The following CALN1 variants were observed in gnomAD, a reference collection of about 807,000 sequenced individuals.
CALN1 encodes the protein calneuron 1.
In CALN1, 17 loss-of-function variants were observed where a neutral mutation model predicts 30.6. That is an observed-to-expected ratio of 0.56 (90% CI 0.38 to 0.83). CALN1 has a LOEUF of 0.83. Among genes scored for constraint, CALN1 ranks in the 40% least tolerant of loss-of-function variants. The probability of loss-of-function intolerance (pLI) is 0.00; values close to 1 mark genes in which losing one functional copy is unlikely to be tolerated. For synonymous variants in CALN1, 156 were observed against 131.4 expected, an observed-to-expected ratio of 1.19 and a Z score of -1.28; for missense variants, 291 against 354.9, an observed-to-expected ratio of 0.82 and a Z score of 1.45.
intron 3 of CALN1, among the ~76,000 whole-genome samples, chr7:72,211,560 G>A (rs753410427): frequency 6.6e-6 from 1 of 152,264 alleles, no homozygotes; most frequent in Non-Finnish European, 1.5e-5. Flanking sequence ...TCCAAGAAAC[G>A]ACTCGATAGG....
intron 3 of CALN1, among the ~76,000 whole-genome samples, chr7:72,171,626 G>C (rs966056953): frequency 2.0e-5 from 3 of 151,972 alleles, no homozygotes; most frequent in African/African-American, 4.8e-5. Context: ...GCAAAAAAGA[G>C]GCCCACATCC....
At chr7:72,210,030 G>A (rs896565955) in intron 3 of CALN1, among the ~76,000 whole-genome samples, 5 of 152,102 alleles carry the variant, frequency 3.3e-5, no homozygotes, top group South Asian at 2.1e-4. Flanking sequence ...CGTTTCTGAC[G>A]GTGGTCTCCC....
chr7:72,108,160 T>A (rs1483945813), intron 3 of CALN1, among the ~76,000 whole-genome samples: 1 of 152,232 alleles, frequency 6.6e-6, no homozygotes, highest in Non-Finnish European at 1.5e-5. Flanking sequence ...GCTGCCAGCA[T>A]TCCTTGGCTT....
intron 2 of CALN1, among the ~76,000 whole-genome samples, chr7:72,343,173 A>C (rs112053609): frequency 6.6e-6 from 1 of 152,214 alleles, no homozygotes; most frequent in African/African-American, 2.4e-5. Flanking sequence ...CTCTTGGAGG[A>C]AACATGAAGG....
intron 6 of CALN1, among the ~76,000 whole-genome samples, chr7:71,796,488 T>C (rs1057178195): frequency 6.6e-6 from 1 of 151,138 alleles, no homozygotes; most frequent in African/African-American, 2.4e-5. Flanking sequence ...GCCTCCCGAG[T>C]AGCTAAGATT....
At chr7:72,099,295 G>A (rs62462784) in intron 4 of CALN1, among the ~76,000 whole-genome samples, 1 of 95,356 alleles carries the variant, frequency 1.0e-5, no homozygotes, top group Non-Finnish European at 2.0e-5. Context: ...TTTTTTTTTG[G>A]CATCATCCAC....
At chr7:72,078,343 C>A (rs1316872136) in intron 4 of CALN1, among the ~76,000 whole-genome samples, 1 of 151,950 alleles carries the variant, frequency 6.6e-6, no homozygotes, top group Non-Finnish European at 1.5e-5. Flanking sequence ...GGGAAAACTG[C>A]AGCCATCACT....
chr7:71,915,165 T>C lies in CALN1; in HGVS notation c.502-104673A>G, dbSNP rs539211614. On this transcript the variant is annotated intron_variant, in intron 5 of 6. Coordinates refer to ENST00000395275, the MANE Select transcript of CALN1 (RefSeq NM_031468.4). ...CTCCTTTTGCAACCTGAATTCTCTA[T>C]TATAGGCCTAATCTCACCCCCTTAG... Among the ~76,000 whole-genome samples, 31 of 152,242 alleles carry C rather than the reference T, an allele frequency of 2.0e-4. No individual in the cohort carries two copies. The South Asian group carries it at 4.4e-3, about 21-fold the overall frequency.
At position 72,012,971 on chromosome 7, in the gene CALN1, T is replaced by C. The variant is rs552250399; in HGVS notation, c.501+10686A>G. On this transcript the variant is annotated intron_variant, in intron 5 of 6. Transcript: ENST00000395275. ...CCACCACGCTTGGCTGATTTTTTTGTATTTTTAGTAGAGACAGGGTTTTAC... is the reference window on the plus strand; with the variant it reads ...CCACCACGCTTGGCTGATTTTTTTGCATTTTTAGTAGAGACAGGGTTTTAC... Among the ~76,000 whole-genome samples the C allele has an allele frequency of 4.5e-4, 69 of 152,142 alleles. 1 individual carries two copies. The highest frequency in any genetic ancestry group is 2.1e-4 in the Non-Finnish European group (14 of 68,034).
chr7:72,053,227 C>T (rs1458287148), intron 4 of CALN1, among the ~76,000 whole-genome samples: 1 of 152,134 alleles, frequency 6.6e-6, no homozygotes, highest in East Asian at 1.9e-4. Context: ...GAGACTCTGT[C>T]TCAAAAAACA....
intron 3 of CALN1, among the ~76,000 whole-genome samples, chr7:72,277,401 G>A (rs1797405600): frequency 6.6e-6 from 1 of 152,102 alleles, no homozygotes; most frequent in Admixed American, 6.5e-5. Flanking sequence ...CTCAACTGAA[G>A]ACCAGAAGAT....
chr7:72,458,307 T>A, the CALN1 span, among the ~76,000 whole-genome samples: 1 of 23,832 alleles, frequency 4.2e-5, no homozygotes, highest in Non-Finnish European at 6.7e-5. Flanking sequence ...CTATATTATA[T>A]AATATATTTT....
chr7:72,354,878 A>G (rs1803132280), intron 2 of CALN1, among the ~76,000 whole-genome samples: 2 of 151,598 alleles, frequency 1.3e-5, no homozygotes, highest in African/African-American at 4.9e-5. Flanking sequence ...AACTTGAGTA[A>G]GCAAAAATTT....
intron 2 of CALN1, among the ~76,000 whole-genome samples, chr7:72,378,893 T>C (rs1804725412): frequency 6.6e-6 from 1 of 152,138 alleles, no homozygotes; most frequent in South Asian, 2.1e-4. Flanking sequence ...TGAAAGTTTT[T>C]CTTTTTAAGC....
At chr7:72,172,300 G>A (rs1181303402) in intron 3 of CALN1, among the ~76,000 whole-genome samples, 2 of 152,200 alleles carry the variant, frequency 1.3e-5, no homozygotes, top group Non-Finnish European at 2.9e-5. Context: ...TGCATGAGAT[G>A]TCTACCAGGG....
At chr7:72,415,347 A>G (rs1175693895), upstream of CALN1, among the ~76,000 whole-genome samples, 2 of 152,216 alleles carry the variant, frequency 1.3e-5, no homozygotes, top group East Asian at 3.9e-4. Context: ...TCAAATGCCT[A>G]CAGGGACCAG....
chr7:72,187,182 G>A (rs1385553473), intron 3 of CALN1, among the ~76,000 whole-genome samples: 1 of 152,094 alleles, frequency 6.6e-6, no homozygotes, highest in Non-Finnish European at 1.5e-5. Context: ...GGAAAAACAG[G>A]ATGAATGGAT....
intron 5 of CALN1, among the ~76,000 whole-genome samples, chr7:71,849,813 G>GTT (rs1046754788): frequency 3.2e-4 from 49 of 151,990 alleles, no homozygotes; most frequent in African/African-American, 1.1e-3. Flanking sequence ...CTCTGTCATT[G>GTT]TTTTGTAGAG....
intron 4 of CALN1, among the ~76,000 whole-genome samples, chr7:72,044,863 T>G (rs898168249): frequency 2.0e-5 from 3 of 152,034 alleles, no homozygotes; most frequent in African/African-American, 7.2e-5. Context: ...CAAGCAATCC[T>G]CCCACCTCAG....
Sources: allele counts gnomAD v4.1 joint callset (sites outside exome capture counted in the v4.1 genomes callset), GRCh38; gene constraint gnomAD v4.1.1; transcripts MANE v1.5; gene names NCBI Gene and HGNC (gene_info 2026-07-23, HGNC 2026-07-21).